The following VARS2 variants were observed in gnomAD, a reference collection of about 807,000 sequenced individuals.
VARS2 encodes the protein valyl-tRNA synthetase 2, mitochondrial, also known as valine--tRNA ligase, mitochondrial.
VARS2 carries 105 observed loss-of-function variants against 154.1 expected under a neutral mutation model. The observed-to-expected ratio is 0.68, with a 90% CI of 0.58 to 0.80. The LOEUF (loss-of-function observed/expected upper bound fraction) is 0.80. Ranked by LOEUF, VARS2 falls within the 30% of genes least tolerant of loss-of-function variation. The pLI is 0.00. For synonymous variants in VARS2, 483 were observed against 539.5 expected (o/e 0.90, Z 1.45); for missense variants, 1,157 against 1,361.4 (o/e 0.85, Z 2.36).
chr6:30,917,362 G>A lies in VARS2; in HGVS notation c.873+138G>A. On this transcript the variant is annotated intron_variant, in intron 9 of 29. Transcript: ENST00000676266. The surrounding 1 kb of genome is among the most constrained non-coding windows in gnomAD (Gnocchi z 4.4). The stretch of plus-strand genomic sequence containing the variant: ...GTTACAGCTGTGTGGCTTTTGGCAG[G>A]CCGTTTAGTCTCTTTAAGCCTCAGC... The A allele has an allele frequency of 7.3e-7, 1 of 1,379,134 alleles. No individual in the cohort carries two copies. Among genetic ancestry groups the A allele is most frequent in the Admixed American group, 1.8e-5 (1 of 55,744 alleles). The allele number at this position is 1,379,134 out of a possible 1,614,324, so 85.4% of individuals were successfully genotyped here.
Position 30,919,685 on chromosome 6 carries a change from GT to G in VARS2, c.1075-71del, listed in dbSNP as rs1487195426. The stretch of plus-strand genomic sequence containing the variant: ...CACTTTCTACCTTCTTATTCCTGGG[GT>G]TCTCACGCCCCAGCCCAGACCCTTC... On this transcript the variant is annotated intron_variant, in intron 11 of 29. Transcript: ENST00000676266. The surrounding 1 kb of genome is among the most constrained non-coding windows in gnomAD (Gnocchi z 4.5). 8.2e-7 allele frequency: 1 copy of G among 1,213,960 alleles called. No individual in the cohort carries two copies. The highest frequency in any genetic ancestry group is 1.5e-5 in the African/African-American group (1 of 64,676). 75.2% of individuals were successfully genotyped at this position (1,213,960 alleles called of 1,614,324 possible).
chr6:30,914,923 T>C lies in VARS2; in HGVS notation c.87T>C (p.Ser29=). 1.2e-6 allele frequency: 2 copies of C among 1,613,104 alleles called. No homozygotes were observed. Among genetic ancestry groups the C allele is most frequent in the Non-Finnish European group, 1.7e-6 (2 of 1,180,042 alleles). ...SRGLPRFHSV[S]TQSEPHGSPI... is the part of the protein sequence containing the mutation. Reference sequence around the variant, plus strand: ...GCCTCCCCAGGTTTCACTCCGTTTCTACACAGTCGGAGCCCCATGGATCTC... The same window carrying C: ...GCCTCCCCAGGTTTCACTCCGTTTCCACACAGTCGGAGCCCCATGGATCTC... Residue 29 remains serine (S), a synonymous_variant, in exon 2 of 30, where the codon TCT becomes TCC. Transcript: ENST00000676266.
chr6:30,915,670 G>C, intron 4 of VARS2, 76 bp from the exon 5 acceptor site: 1 of 1,591,362 alleles, frequency 6.3e-7, no homozygotes, highest in South Asian at 1.1e-5. Flanking sequence ...AGTTCTTTCT[G>C]TTCTGGAGAC....
chr6:30,914,399 C>T (rs976501511), intron 1 of VARS2, 55 bp downstream of exon 1: 1 of 1,264,246 alleles, frequency 7.9e-7, no homozygotes, highest in Non-Finnish European at 9.9e-7. Flanking sequence ...GGGTCCTGGG[C>T]CCAGGCCTTG....
chr6:30,917,324 C>G lies in VARS2; in HGVS notation c.873+100C>G. 1 of 1,575,102 alleles carries G rather than the reference C, an allele frequency of 6.3e-7. No homozygotes were observed. Among genetic ancestry groups the G allele is most frequent in the South Asian group, 1.1e-5 (1 of 88,954 alleles). On this transcript the variant is annotated intron_variant, in intron 9 of 29. Transcript: ENST00000676266. This position sits in a 1 kb window ranked among gnomAD's most constrained non-coding sequence, Gnocchi z 4.4. Reference sequence around the variant, plus strand: ...GGAGCCAGGGTGCCTGGATTCAAATCTGATGCCTGCCTGTTACAGCTGTGT... The same window carrying G: ...GGAGCCAGGGTGCCTGGATTCAAATGTGATGCCTGCCTGTTACAGCTGTGT...
chr6:30,920,758 G>A lies in VARS2; in HGVS notation c.1479+9G>A. On this transcript the variant is annotated intron_variant, in intron 15 of 29. Coordinates refer to ENST00000676266, the MANE Select transcript of VARS2 (RefSeq NM_020442.6). The surrounding 1 kb of genome is among the most constrained non-coding windows in gnomAD (Gnocchi z 4.6). ...GGGCCCGAGCTGCCAAGGTGAGGCT[G>A]CAGTGTAGGAAGGACTGGGGCCAGG... 1.9e-6 allele frequency: 3 copies of A among 1,579,864 alleles called. No homozygotes were observed. The highest frequency in any genetic ancestry group is 2.6e-6 in the Non-Finnish European group (3 of 1,163,786).
intron 20 of VARS2, 51 bp downstream of exon 20, chr6:30,922,292 A>G (rs752715146): frequency 4.4e-6 from 7 of 1,596,554 alleles, no homozygotes; most frequent in Middle Eastern, 1.7e-4. Flanking sequence ...GTGTTCCCCA[A>G]ACCTTGTCCT....
At position 30,919,893 on chromosome 6, in the gene VARS2, G is replaced by A; in HGVS notation, c.1165+45G>A. 1 of 1,517,020 alleles carries A rather than the reference G, an allele frequency of 6.6e-7. No individual in the cohort carries two copies. 94.0% of individuals were successfully genotyped at this position (1,517,020 alleles called of 1,614,324 possible). A position where few individuals can be genotyped will look rare whatever the true frequency, so the allele number is the denominator to read the frequency against. ...GGGAGAGAAAGTTGGGGGTCCTGGA[G>A]GAGAGGGGAGGGAACCAGGAGGAAG... On this transcript the variant is annotated intron_variant, in intron 12 of 29. Coordinates refer to ENST00000676266, the MANE Select transcript of VARS2 (RefSeq NM_020442.6). This position sits in a 1 kb window ranked among gnomAD's most constrained non-coding sequence, Gnocchi z 4.5.
chr6:30,925,475 T>G, intron 27 of VARS2, 69 bp from the exon 28 acceptor site: 5 of 1,556,680 alleles, frequency 3.2e-6, no homozygotes, highest in Non-Finnish European at 4.3e-6. Context: ...AACCCCCCCG[T>G]TAGGAGGTGC....
intron 27 of VARS2, 65 bp downstream of exon 27, chr6:30,925,450 A>G: frequency 6.4e-7 from 1 of 1,570,802 alleles, no homozygotes; most frequent in Admixed American, 1.8e-5. Context: ...GGAAAAGAGC[A>G]GAGCCTGAAG....
Position 30,925,693 on chromosome 6 carries a change from A to C in VARS2, c.2935A>C (p.Thr979Pro). ...SGWAQAPLSD[T>P]AQVYMELQGL... ...CTGGGCCCAGGCTCCACTCAGTGAC[A>C]CGGCTCAAGTCTACATGGAGCTGCA... Residue 979 changes from threonine (T) to proline (P), a missense_variant, in exon 28 of 30, where the codon ACG (threonine) becomes CCG (proline). Physicochemically the swap from Thr to Pro is conservative, Grantham distance 38 (BLOSUM62 -1). Coordinates refer to ENST00000676266, the MANE Select transcript of VARS2 (RefSeq NM_020442.6). The C allele has an allele frequency of 6.2e-7, 1 of 1,611,114 alleles. No individual in the cohort carries two copies. The highest frequency in any genetic ancestry group is 8.5e-7 in the Non-Finnish European group (1 of 1,179,694).
Position 30,920,519 on chromosome 6 carries a change from G to A in VARS2, c.1397+83G>A. ...TAAGGGTGACAATAGGATGGGCTCTGCACCCCTCCGTTAGAATACGAGCTC... is the reference window on the plus strand; with the variant it reads ...TAAGGGTGACAATAGGATGGGCTCTACACCCCTCCGTTAGAATACGAGCTC... On this transcript the variant is annotated intron_variant, in intron 14 of 29. Transcript: ENST00000676266. This position sits in a 1 kb window ranked among gnomAD's most constrained non-coding sequence, Gnocchi z 4.6. 1 of 1,412,906 alleles carries A rather than the reference G, an allele frequency of 7.1e-7. No individual in the cohort carries two copies. The highest frequency in any genetic ancestry group is 9.6e-7 in the Non-Finnish European group (1 of 1,043,900). 87.5% of individuals were successfully genotyped at this position (1,412,906 alleles called of 1,614,324 possible).
Position 30,926,454 on chromosome 6 carries a change from C to T in VARS2, c.*244C>T, listed in dbSNP as rs1175768902. The T allele has an allele frequency of 3.5e-6, 2 of 574,284 alleles. No individual in the cohort carries two copies. Among genetic ancestry groups the T allele is most frequent in the African/African-American group, 1.9e-5 (1 of 53,614 alleles). The allele number at this position is 574,284 out of a possible 1,614,324, so 35.6% of individuals were successfully genotyped here. A position where few individuals can be genotyped will look rare whatever the true frequency, so the allele number is the denominator to read the frequency against. On this transcript the variant is annotated 3_prime_UTR_variant, in exon 30 of 30. Transcript: ENST00000676266. ...GGAGATTGAGATAAACTTTTGAAAT[C>T]CCAAACATGTCTGTTTATGGCTCTT...
chr6:30,921,032 G>A lies in VARS2; in HGVS notation c.1480-33G>A, dbSNP rs774781949. 1.4e-5 allele frequency: 22 copies of A among 1,589,570 alleles called. No homozygotes were observed. The highest frequency in any genetic ancestry group is 1.9e-5 in the Non-Finnish European group (22 of 1,167,592). On this transcript the variant is annotated intron_variant, in intron 15 of 29. Transcript: ENST00000676266. The surrounding 1 kb of genome is among the most constrained non-coding windows in gnomAD (Gnocchi z 4.6). ...TGTGGAGGTGCGGCCGTGCAGGAAG[G>A]GCAACATTGTCTAAAGTCCCCTTTC... is the stretch of plus-strand genomic sequence containing the variant.
At chr6:30,918,372 G>C (rs368164463) in intron 10 of VARS2, among the ~76,000 whole-genome samples, 1 of 152,198 alleles carries the variant, frequency 6.6e-6, no homozygotes, top group African/African-American at 2.4e-5. Flanking sequence ...GGCCTCTAAG[G>C]TGTGGTTTTT....
rs753894957 is a variant in VARS2, at chr6:30,922,142, C to T, written c.1833C>T (p.Pro611=). 4 of 1,612,760 alleles carry T rather than the reference C, an allele frequency of 2.5e-6. No homozygotes were observed. The highest frequency in any genetic ancestry group is 1.7e-6 in the Non-Finnish European group (2 of 1,179,922). ...CCCCAGACCTTGCTCGTTTCTACCC[C>T]CTGTCACTTTTGGAAACGGGCAGCG... ...QETPDLARFY[P]LSLLETGSDL... The change falls in exon 20 of 30, where the codon CCC becomes CCT. Residue 611 remains proline, a synonymous_variant. Transcript: ENST00000676266.
rs9281077 is a variant in VARS2 at position 30,916,478 on chromosome 6, A to ATT, written c.671+231_671+232dup. 5,926 of 317,570 alleles carry ATT rather than the reference A, an allele frequency of 0.019. 92 individuals are homozygous for ATT. Among genetic ancestry groups the ATT allele is most frequent in the African/African-American group, 0.053 (1,990 of 37,900 alleles). 19.7% of individuals were successfully genotyped at this position (317,570 alleles called of 1,614,324 possible). ...CGTGTGTGTGTGTGTGTGTGTGTGT[A>ATT]TTTATATATATATATATATTTTCTT... On this transcript the variant is annotated intron_variant, in intron 7 of 29. Transcript: ENST00000676266. This position sits in a 1 kb window ranked among gnomAD's most constrained non-coding sequence, Gnocchi z 4.0.
rs368173362 is a variant in VARS2, at chr6:30,921,217, G to A, written c.1557-13G>A. 2 of 1,613,982 alleles carry A rather than the reference G, an allele frequency of 1.2e-6. No homozygotes were observed. Among genetic ancestry groups the A allele is most frequent in the African/African-American group, 1.3e-5 (1 of 74,886 alleles). On this transcript the variant is annotated splice_polypyrimidine_tract_variant and intron_variant, in intron 16 of 29. Transcript: ENST00000676266. This position sits in a 1 kb window ranked among gnomAD's most constrained non-coding sequence, Gnocchi z 4.6. ...CTGGTTATTCTAAGACTTCACGAAT[G>A]TCCTCCCGGCAGGGACTGGTGTGTC...
chr6:30,919,417 C>T lies in VARS2; in HGVS notation c.1075-341C>T. The stretch of plus-strand genomic sequence containing the variant: ...AGCCAGGATAGTCTCGATCTCCTGA[C>T]CTCGTGATCTGCCCACCTCGGCCTC... On this transcript the variant is annotated intron_variant, in intron 11 of 29. Coordinates refer to ENST00000676266, the MANE Select transcript of VARS2 (RefSeq NM_020442.6). The surrounding 1 kb of genome is among the most constrained non-coding windows in gnomAD (Gnocchi z 4.5). 4.3e-6 allele frequency: 1 copy of T among 233,706 alleles called. No individual in the cohort carries two copies. Among genetic ancestry groups the T allele is most frequent in the Non-Finnish European group, 8.2e-6 (1 of 121,612 alleles). 14.5% of individuals were successfully genotyped at this position (233,706 alleles called of 1,614,324 possible). A position where few individuals can be genotyped will look rare whatever the true frequency, so the allele number is the denominator to read the frequency against.
Sources: gnomAD v4.1 joint callset for allele counts (sites outside exome capture counted in the v4.1 genomes callset) on GRCh38, gnomAD v4.1.1 for gene constraint, Gnocchi (gnomAD v3.1) non-coding constraint, MANE v1.5 for transcripts, NCBI Gene and HGNC (gene_info 2026-07-23, HGNC 2026-07-21) for gene names.